Variants in GVQW3 observed in about 807,000 individuals in gnomAD.
The protein encoded by GVQW3 is GVQW motif containing 3, also known as protein GVQW3.
In GVQW3, 7 loss-of-function variants were observed where a neutral mutation model predicts 12.5. The ratio of observed to expected loss-of-function variants is 0.56; its 90% CI spans 0.32 to 1.05. The LOEUF is 1.05. GVQW3 is among the 50% of genes least tolerant of loss of function. GVQW3 has a pLI of 0.04. For synonymous variants in GVQW3, 71 were observed against 67.2 expected (o/e 1.06, Z -0.28); for missense variants, 188 against 190.8 (o/e 0.99, Z 0.09).
At chr11:76,402,013 C>G (rs1314649487) in intron 1 of GVQW3, among the ~76,000 whole-genome samples, 2 of 152,110 alleles carry the variant, frequency 1.3e-5, no homozygotes, top group African/African-American at 2.4e-5. Context: ...ATGGAAGAAG[C>G]CCAGCTTCCA....
rs893078125 is a variant in GVQW3 at position 76,405,626 on chromosome 11, C to T, written c.*1868C>T. On this transcript the variant is annotated 3_prime_UTR_variant, in exon 2 of 2. Coordinates refer to ENST00000529331, the MANE Select transcript of GVQW3 (RefSeq NM_001347885.2). The stretch of plus-strand genomic sequence containing the variant: ...TTCAACTGCCCCTCTAAAGTCTTGT[C>T]TTGGAGTCACATGAGGTCCAAGTGG... The T allele has an allele frequency of 1.1e-4, 17 of 152,458 alleles. No individual in the cohort carries two copies. Among genetic ancestry groups the T allele is most frequent in the African/African-American group, 3.9e-4 (16 of 41,438 alleles). The allele number at this position is 152,458 out of a possible 1,614,324, so 9.4% of individuals were successfully genotyped here.
intron 1 of GVQW3, among the ~76,000 whole-genome samples, chr11:76,390,882 T>C (rs531712343): frequency 4.6e-4 from 70 of 152,012 alleles, no homozygotes; most frequent in African/African-American, 1.6e-3. Flanking sequence ...TAGTGATTAT[T>C]AGATGTGAGG....
intron 1 of GVQW3, chr11:76,392,852 A>T (rs1946905972): frequency 6.6e-6 from 1 of 152,168 alleles, no homozygotes; most frequent in South Asian, 2.1e-4. Flanking sequence ...AATATTTCTC[A>T]TACACGTTTT....
exon 2 of GVQW3, chr11:76,414,596 C>T (rs1167728185): frequency 7.0e-6 from 1 of 143,376 alleles, no homozygotes; most frequent in Non-Finnish European, 1.5e-5. Context: ...ATCACCTCTC[C>T]AGGATTCCTG....
chr11:76,395,041 C>T (rs1053691264), intron 1 of GVQW3: 1 of 149,644 alleles, frequency 6.7e-6, no homozygotes, highest in Non-Finnish European at 1.5e-5. Context: ...GTTCCATGTT[C>T]CCTGCATCCA....
At chr11:76,397,352 C>T (rs1468571986) in intron 1 of GVQW3, among the ~76,000 whole-genome samples, 1 of 152,152 alleles carries the variant, frequency 6.6e-6, no homozygotes, top group Non-Finnish European at 1.5e-5. Context: ...GAATCTACCA[C>T]ATTCTATTTA....
chr11:76,383,324 T>G (rs1260022062), intron 1 of GVQW3: 1 of 152,252 alleles, frequency 6.6e-6, no homozygotes, highest in African/African-American at 2.4e-5. Context: ...TGCTGGGCAT[T>G]GACAATGTGG....
chr11:76,391,762 T>C (rs558533320), intron 1 of GVQW3, among the ~76,000 whole-genome samples: 2 of 152,210 alleles, frequency 1.3e-5, no homozygotes, highest in Non-Finnish European at 2.9e-5. Flanking sequence ...GAGACCAACC[T>C]GGCCAACATG....
chr11:76,393,253 C>A (rs529262625), intron 1 of GVQW3, among the ~76,000 whole-genome samples: 6 of 152,240 alleles, frequency 3.9e-5, no homozygotes, highest in African/African-American at 1.4e-4. Flanking sequence ...CTACTTTGAC[C>A]TCTCCTGAAC....
chr11:76,400,198 C>T (rs891848546), intron 1 of GVQW3, among the ~76,000 whole-genome samples: 2 of 151,874 alleles, frequency 1.3e-5, no homozygotes, highest in Admixed American at 6.6e-5. Flanking sequence ...CTGCCACCTC[C>T]GCCTCCCAGG....
intron 1 of GVQW3, among the ~76,000 whole-genome samples, chr11:76,390,826 TAAA>T (rs11353114): frequency 4.9e-5 from 7 of 142,578 alleles, no homozygotes; most frequent in Admixed American, 1.4e-4. Flanking sequence ...GACTCCGTCT[TAAA>T]AAAAAAAAAA....
downstream of GVQW3, among the ~76,000 whole-genome samples, chr11:76,410,580 A>T (rs982452080): frequency 6.6e-6 from 1 of 152,202 alleles, no homozygotes. Flanking sequence ...ACCCAAAGTG[A>T]ATCAGTCTCT....
intron 1 of GVQW3, among the ~76,000 whole-genome samples, chr11:76,398,000 T>A (rs1187917828): frequency 6.6e-6 from 1 of 152,004 alleles, no homozygotes; most frequent in African/African-American, 2.4e-5. Context: ...CCTGGTGTGG[T>A]GGCCTGTGCC....
intron 1 of GVQW3, among the ~76,000 whole-genome samples, chr11:76,395,346 A>G (rs1165419996): frequency 2.0e-5 from 3 of 152,092 alleles, no homozygotes; most frequent in Non-Finnish European, 4.4e-5. Flanking sequence ...TTCTATCTCT[A>G]TGGATATGTT....
chr11:76,406,169 C>T lies in GVQW3; in HGVS notation c.*2411C>T, dbSNP rs867247. The stretch of plus-strand genomic sequence containing the variant: ...TGCATTTTTTGTAGAGTCAGGGTTT[C>T]ACCCTGTTGCCCACTCTGGTCTCAA... On this transcript the variant is annotated 3_prime_UTR_variant, in exon 2 of 2. Transcript: ENST00000529331. 0.27 allele frequency: 41,364 copies of T among 152,108 alleles called. 5,979 individuals are homozygous for T. Among genetic ancestry groups the T allele is most frequent in the Admixed American group, 0.37 (5,598 of 15,260 alleles). 9.4% of individuals were successfully genotyped at this position (152,108 alleles called of 1,614,324 possible). A position where few individuals can be genotyped will look rare whatever the true frequency, so the allele number is the denominator to read the frequency against.
In GVQW3 at chr11:76,406,599, A is replaced by G. The variant is rs1194756226; in HGVS notation, c.*2841A>G. On this transcript the variant is annotated 3_prime_UTR_variant, in exon 2 of 2. Transcript: ENST00000529331. ...TTTTGACTATTGCCAAAAATCAAAA[A>G]TCATTCCCTGAAAACAGAATCTATT... 2 of 152,250 alleles carry G rather than the reference A, an allele frequency of 1.3e-5. No homozygotes were observed. The highest frequency in any genetic ancestry group is 2.9e-5 in the Non-Finnish European group (2 of 68,038). 9.4% of individuals were successfully genotyped at this position (152,250 alleles called of 1,614,324 possible).
In GVQW3 at chr11:76,381,802, A is replaced by G. The variant is rs1214706298; in HGVS notation, c.-27A>G. On this transcript the variant is annotated 5_prime_UTR_variant, in exon 1 of 2. Coordinates refer to ENST00000529331, the MANE Select transcript of GVQW3 (RefSeq NM_001347885.2). Reference sequence around the variant, plus strand: ...TTTCCCTTACAGTCGTGGCCTGTTAAACGTTCCTGTGTTGTTCAGTGCCAG... The same window carrying G: ...TTTCCCTTACAGTCGTGGCCTGTTAGACGTTCCTGTGTTGTTCAGTGCCAG... 6.7e-7 allele frequency: 1 copy of G among 1,493,022 alleles called. No homozygotes were observed. The highest frequency in any genetic ancestry group is 8.9e-7 in the Non-Finnish European group (1 of 1,127,124). The allele number at this position is 1,493,022 out of a possible 1,614,324, so 92.5% of individuals were successfully genotyped here. A position where few individuals can be genotyped will look rare whatever the true frequency, so the allele number is the denominator to read the frequency against.
intron 1 of GVQW3, among the ~76,000 whole-genome samples, chr11:76,399,765 C>A (rs1430199145): frequency 1.3e-5 from 2 of 152,148 alleles, no homozygotes; most frequent in African/African-American, 4.8e-5. Context: ...CTTTTCCTGC[C>A]TCCAGACTCA....
chr11:76,400,398 G>A (rs149078350), intron 1 of GVQW3, among the ~76,000 whole-genome samples: 1 of 151,450 alleles, frequency 6.6e-6, no homozygotes, highest in East Asian at 2.0e-4. Flanking sequence ...ACAGGTGTGA[G>A]TCACTCTGCC....
Sources: gnomAD v4.1 joint callset for allele counts (sites outside exome capture counted in the v4.1 genomes callset) on GRCh38, gnomAD v4.1.1 for gene constraint, MANE v1.5 for transcripts, NCBI Gene and HGNC (gene_info 2026-07-23, HGNC 2026-07-21) for gene names.